Variants in KCNIP4 observed in about 807,000 individuals in gnomAD.
KCNIP4 encodes Kv channel-interacting protein 4.
Under a neutral mutation model 34.0 loss-of-function variants are expected in KCNIP4, and 12 were observed. That is an observed-to-expected ratio of 0.35 (90% CI 0.23 to 0.57). KCNIP4 has a LOEUF of 0.57. Ranked by LOEUF, KCNIP4 falls within the 20% of genes least tolerant of loss-of-function variation. The pLI, the probability that KCNIP4 is intolerant of heterozygous loss-of-function variation, is 0.83. For missense variants in KCNIP4, 238 were observed against 311.7 expected (o/e 0.76, Z 1.78); for synonymous variants, 124 against 102.2 (o/e 1.21, Z -1.29).
chr4:21,482,053 A>G (rs1731474977), intron 1 of KCNIP4, among the ~76,000 whole-genome samples: 4 of 151,852 alleles, frequency 2.6e-5, no homozygotes, highest in African/African-American at 9.7e-5. Context: ...TGATCCCTTT[A>G]CCATTATGTA....
intron 5 of KCNIP4, among the ~76,000 whole-genome samples, chr4:20,744,721 A>G (rs554046783): frequency 2.6e-5 from 4 of 152,312 alleles, no homozygotes; most frequent in Admixed American, 6.5e-5. Flanking sequence ...TACATATGTA[A>G]CAAACCTGCA....
intron 1 of KCNIP4, among the ~76,000 whole-genome samples, chr4:21,305,048 T>C (rs772296383): frequency 4.7e-4 from 72 of 152,204 alleles, no homozygotes; most frequent in African/African-American, 1.7e-3. Context: ...TCTTTCCTCC[T>C]AACACTGCCC....
At chr4:21,109,450 CA>C (rs977610662) in intron 1 of KCNIP4, among the ~76,000 whole-genome samples, 2 of 151,884 alleles carry the variant, frequency 1.3e-5, no homozygotes, top group African/African-American at 4.8e-5. Flanking sequence ...TTAAGCCCGT[CA>C]GAAAAGCACA....
chr4:20,963,054 G>C (rs1733998079), intron 1 of KCNIP4, among the ~76,000 whole-genome samples: 1 of 152,118 alleles, frequency 6.6e-6, no homozygotes, highest in African/African-American at 2.4e-5. Flanking sequence ...AGACATGGTG[G>C]CTCACATCTG....
intron 3 of KCNIP4, among the ~76,000 whole-genome samples, chr4:20,786,811 T>C (rs887341759): frequency 6.7e-6 from 1 of 149,290 alleles, no homozygotes; most frequent in Non-Finnish European, 1.5e-5. Context: ...GAAAACAGTA[T>C]TAGACTAGAA....
At chr4:21,177,658 G>T (rs774534282) in intron 1 of KCNIP4, among the ~76,000 whole-genome samples, 1 of 151,232 alleles carries the variant, frequency 6.6e-6, no homozygotes, top group Non-Finnish European at 1.5e-5. Flanking sequence ...GACAAAACCC[G>T]GTCTCTACTA....
intron 3 of KCNIP4, among the ~76,000 whole-genome samples, chr4:20,811,950 TC>T (rs34206280): frequency 6.6e-6 from 1 of 152,156 alleles, no homozygotes; most frequent in Non-Finnish European, 1.5e-5. Context: ...AAGAGCAGAT[TC>T]CCAGAAAAGA....
chr4:20,908,945 A>G (rs1278523781), intron 1 of KCNIP4, among the ~76,000 whole-genome samples: 1 of 152,250 alleles, frequency 6.6e-6, no homozygotes, highest in Non-Finnish European at 1.5e-5. Flanking sequence ...ATTATTGAGC[A>G]TAACAACTTT....
At chr4:21,030,170 GCATTA>G (rs1033545961) in intron 1 of KCNIP4, among the ~76,000 whole-genome samples, 7 of 152,122 alleles carry the variant, frequency 4.6e-5, no homozygotes, top group African/African-American at 1.2e-4. Context: ...CCCATGGCTT[GCATTA>G]CTGCCTGAGC....
intron 3 of KCNIP4, among the ~76,000 whole-genome samples, chr4:20,828,758 A>T (rs1022241085): frequency 6.6e-6 from 1 of 152,164 alleles, no homozygotes; most frequent in Non-Finnish European, 1.5e-5. Context: ...TTATATCCAC[A>T]CAGAAATGCA....
intron 1 of KCNIP4, among the ~76,000 whole-genome samples, chr4:21,890,315 C>T (rs1001111647): frequency 6.6e-6 from 1 of 152,086 alleles, no homozygotes. Context: ...TTAATGACCA[C>T]ATCCCCAGCA....
chr4:21,926,776 T>C (rs942542255), intron 1 of KCNIP4, among the ~76,000 whole-genome samples: 1 of 152,218 alleles, frequency 6.6e-6, no homozygotes. Flanking sequence ...AAAACATTTA[T>C]CCTTAAGAAA....
chr4:21,665,512 C>A (rs1456534285), intron 1 of KCNIP4, among the ~76,000 whole-genome samples: 2 of 20,544 alleles, frequency 9.7e-5, no homozygotes, highest in Admixed American at 5.4e-4. Flanking sequence ...TCACAGGGCA[C>A]CCCCCCCCCC....
chr4:20,983,685 T>C (rs1736311228), intron 1 of KCNIP4: 1 of 688,750 alleles, frequency 1.5e-6, no homozygotes, highest in African/African-American at 1.8e-5. Context: ...GCCACTAGGA[T>C]GCTCTATGCC....
In KCNIP4 at chr4:21,562,596, A is replaced by T. The variant is rs12649459; in HGVS notation, c.61+385975T>A. 5.6e-3 allele frequency among the ~76,000 whole-genome samples: 855 copies of T among 152,202 alleles called. 45 individuals carry two copies. The East Asian group carries it at 0.12, about 21-fold the overall frequency. On this transcript the variant is annotated intron_variant, in intron 1 of 8. Coordinates refer to ENST00000382152, the MANE Select transcript of KCNIP4 (RefSeq NM_025221.6). Reference sequence around the variant, plus strand: ...TTATTATCAGAACCAAATAAAGAACACATGTTTATTGCATATTAAATAGAA... The same window carrying T: ...TTATTATCAGAACCAAATAAAGAACTCATGTTTATTGCATATTAAATAGAA...
At chr4:21,325,330 G>A (rs1396611900) in intron 1 of KCNIP4, among the ~76,000 whole-genome samples, 8 of 151,614 alleles carry the variant, frequency 5.3e-5, no homozygotes. Context: ...CAATCTAGTA[G>A]GATGTATGTG....
intron 1 of KCNIP4, among the ~76,000 whole-genome samples, chr4:21,270,751 C>T (rs1402283558): frequency 6.6e-6 from 1 of 151,954 alleles, no homozygotes; most frequent in Non-Finnish European, 1.5e-5. Context: ...CATTGGGAGG[C>T]CAAGGAGGGC....
intron 1 of KCNIP4, among the ~76,000 whole-genome samples, chr4:21,593,111 GTGTGTGTT>G (rs1444939652): frequency 3.1e-5 from 3 of 98,086 alleles, no homozygotes; most frequent in African/African-American, 4.5e-5. Flanking sequence ...TAATGTGTGT[GTGTGTGTT>G]TGTGTGTGTG....
At chr4:21,265,897 C>G (rs1347658263) in intron 1 of KCNIP4, among the ~76,000 whole-genome samples, 2 of 152,182 alleles carry the variant, frequency 1.3e-5, no homozygotes, top group Non-Finnish European at 2.9e-5. Flanking sequence ...TGTCTATAAA[C>G]AAGGTAATTA....
Sources: gnomAD v4.1 joint callset for allele counts (sites outside exome capture counted in the v4.1 genomes callset) on GRCh38, gnomAD v4.1.1 for gene constraint, MANE v1.5 for transcripts, NCBI Gene and HGNC (gene_info 2026-07-23, HGNC 2026-07-21) for gene names.